TENM4: variants seen among roughly 807,000 people sequenced by gnomAD.
TENM4 encodes teneurin transmembrane protein 4.
In TENM4, 82 loss-of-function variants were observed where a neutral mutation model predicts 243.3. The observed-to-expected ratio is 0.34, with a 90% CI of 0.28 to 0.40. The LOEUF (loss-of-function observed/expected upper bound fraction) is 0.40, where lower values mean the gene tolerates loss of function less well. TENM4 is among the 10% of genes least tolerant of loss of function. TENM4 has a pLI of 1.00. For missense variants in TENM4, 3,138 were observed against 3,673.3 expected (o/e 0.85, Z 3.77); for synonymous variants, 1,412 against 1,456.3 (o/e 0.97, Z 0.69).
chr11:79,087,982 C>G (rs943310530), intron 4 of TENM4, among the ~76,000 whole-genome samples: 18 of 152,212 alleles, frequency 1.2e-4, no homozygotes, highest in African/African-American at 4.3e-4. Flanking sequence ...TGGGGAAGCT[C>G]TGGCCCTTGG....
chr11:79,340,190 G>T (rs573976352), intron 1 of TENM4, among the ~76,000 whole-genome samples: 1 of 152,142 alleles, frequency 6.6e-6, no homozygotes, highest in Non-Finnish European at 1.5e-5. Context: ...ATGTCACTTT[G>T]CTGGTCTACC....
Position 78,732,516 on chromosome 11 carries a change from T to A in TENM4, c.2938A>T (p.Ile980Phe). Residue 980 changes from isoleucine to phenylalanine, a missense_variant, in exon 21 of 34, where the codon ATC (isoleucine) becomes TTC (phenylalanine). Physicochemically the swap from Ile to Phe is conservative, Grantham distance 21. Transcript: ENST00000278550. Reference protein sequence around the residue: ...IILRFERAPFITQEHTLWLPW... With the variant: ...IILRFERAPFFTQEHTLWLPW... ...AGCCACAGGGTGTGCTCCTGTGTGATGAAAGGTGCCCGCTCGAACCGCAGG... is the reference window on the plus strand; with the variant it reads ...AGCCACAGGGTGTGCTCCTGTGTGAAGAAAGGTGCCCGCTCGAACCGCAGG... 1.9e-6 allele frequency: 3 copies of A among 1,613,402 alleles called. No homozygotes were observed. Among genetic ancestry groups the A allele is most frequent in the Non-Finnish European group, 2.5e-6 (3 of 1,179,678 alleles).
chr11:79,187,043 C>T (rs991897670), intron 3 of TENM4, among the ~76,000 whole-genome samples: 3 of 152,270 alleles, frequency 2.0e-5, no homozygotes, highest in African/African-American at 7.2e-5. Flanking sequence ...TCCTCCTTAG[C>T]CCCATTGCCC....
intron 1 of TENM4, among the ~76,000 whole-genome samples, chr11:79,431,260 A>T (rs1859162965): frequency 6.6e-6 from 1 of 152,200 alleles, no homozygotes; most frequent in Non-Finnish European, 1.5e-5. Flanking sequence ...AATTTTTATC[A>T]TGGCATTTTC....
chr11:78,742,230 T>C (rs1292844049), intron 19 of TENM4, among the ~76,000 whole-genome samples: 1 of 152,138 alleles, frequency 6.6e-6, no homozygotes, highest in African/African-American at 2.4e-5. Context: ...CTCAGAGTGT[T>C]TGTTAAGTGA....
At chr11:79,184,463 G>A (rs994236106) in intron 3 of TENM4, among the ~76,000 whole-genome samples, 2 of 151,088 alleles carry the variant, frequency 1.3e-5, no homozygotes, top group Non-Finnish European at 2.9e-5. Flanking sequence ...TATTGCTCTC[G>A]CTGGGCCTGC....
At chr11:79,350,341 C>A (rs1400808846) in intron 1 of TENM4, among the ~76,000 whole-genome samples, 1 of 152,168 alleles carries the variant, frequency 6.6e-6, no homozygotes, top group African/African-American at 2.4e-5. Context: ...CAAATTCCAG[C>A]AACCTCTACT....
intron 2 of TENM4, among the ~76,000 whole-genome samples, chr11:79,257,449 C>A (rs1380542950): frequency 6.6e-6 from 1 of 152,130 alleles, no homozygotes; most frequent in Non-Finnish European, 1.5e-5. Flanking sequence ...GTGCAAATGT[C>A]CTCAGCTAGA....
Position 79,189,131 on chromosome 11 carries a change from G to T in TENM4, c.-163+26677C>A, listed in dbSNP as rs1863431628. ...TTGTATGAATGTAAACACAGATATG[G>T]TATGGCACAGAATGCAAAATTTCAT... On this transcript the variant is annotated intron_variant, in intron 3 of 33. Transcript: ENST00000278550. Among the ~76,000 whole-genome samples the T allele has an allele frequency of 2.0e-5, 3 of 152,174 alleles. No homozygotes were observed. The South Asian group carries it at 6.2e-4, about 32-fold the overall frequency.
chr11:78,883,016 G>T (rs1218740170), intron 9 of TENM4, among the ~76,000 whole-genome samples: 2 of 152,180 alleles, frequency 1.3e-5, no homozygotes, highest in Non-Finnish European at 2.9e-5. Context: ...CCACATCTGA[G>T]ACTCCACCCT....
intron 6 of TENM4, among the ~76,000 whole-genome samples, chr11:78,976,572 A>C (rs956745261): frequency 1.3e-5 from 2 of 152,210 alleles, no homozygotes; most frequent in Admixed American, 6.5e-5. Context: ...GATTTCTATA[A>C]AGATTTGTGA....
intron 4 of TENM4, among the ~76,000 whole-genome samples, chr11:79,147,444 C>T (rs560499755): frequency 6.6e-6 from 1 of 152,116 alleles, no homozygotes; most frequent in South Asian, 2.1e-4. Flanking sequence ...CCATAGCAAC[C>T]CATCATCCTT....
intron 6 of TENM4, among the ~76,000 whole-genome samples, chr11:78,990,034 A>G (rs1214429303): frequency 6.6e-6 from 1 of 151,360 alleles, no homozygotes; most frequent in African/African-American, 2.5e-5. Context: ...ACCATACTCC[A>G]GCCTGGGTGA....
At chr11:78,769,766 C>T (rs79514428) in intron 18 of TENM4, among the ~76,000 whole-genome samples, 3,062 of 152,342 alleles carry the variant, frequency 0.02, 94 homozygotes, top group African/African-American at 0.07. Flanking sequence ...CCAATTACCT[C>T]CTGGATTTAG....
chr11:79,036,081 C>T lies in TENM4; in HGVS notation c.493+28657G>A, dbSNP rs552111862. 5.9e-5 allele frequency among the ~76,000 whole-genome samples: 9 copies of T among 152,278 alleles called. 1 individual carries two copies. The highest frequency in any genetic ancestry group is 4.2e-4 in the South Asian group (2 of 4,816). On this transcript the variant is annotated intron_variant, in intron 6 of 33. Transcript: ENST00000278550. ...TAACTTTCTTCAAAGTCTAGGGCATCGCTGCTCGACTTCAGGATGTATGAG... is the reference window on the plus strand; with the variant it reads ...TAACTTTCTTCAAAGTCTAGGGCATTGCTGCTCGACTTCAGGATGTATGAG...
At chr11:78,997,382 ACT>A (rs1858202312) in intron 6 of TENM4, among the ~76,000 whole-genome samples, 2 of 152,200 alleles carry the variant, frequency 1.3e-5, no homozygotes, top group South Asian at 2.1e-4. Context: ...AGGGTTTATG[ACT>A]CTGAATCTTA....
chr11:79,283,069 G>A (rs1856184883), intron 2 of TENM4, among the ~76,000 whole-genome samples: 1 of 152,010 alleles, frequency 6.6e-6, no homozygotes, highest in Non-Finnish European at 1.5e-5. Flanking sequence ...ACCTTTTAAA[G>A]TTTTCCAAAA....
intron 2 of TENM4, among the ~76,000 whole-genome samples, chr11:79,290,241 T>C (rs75086067): frequency 0.018 from 2,776 of 152,366 alleles, 44 homozygotes; most frequent in Non-Finnish European, 0.028. Context: ...AAAATCATTT[T>C]AGATCAAAGG....
At position 79,438,684 on chromosome 11, in the gene TENM4, C is replaced by T. The variant is rs1321600797; in HGVS notation, c.-321+1825G>A. 6.6e-6 allele frequency among the ~76,000 whole-genome samples: 1 copy of T among 152,176 alleles called. No individual in the cohort carries two copies. Among genetic ancestry groups the T allele is most frequent in the African/African-American group, 2.4e-5 (1 of 41,448 alleles). On this transcript the variant is annotated intron_variant, in intron 1 of 33. Coordinates refer to ENST00000278550, the MANE Select transcript of TENM4 (RefSeq NM_001098816.3). This position sits in a 1 kb window ranked among gnomAD's most constrained non-coding sequence, Gnocchi z 4.1. ...GCGGAAAAGAGGGGCTTTGGGGCTC[C>T]CCAGGACACCAAGTCAGTTTCTGAA...
Sources: allele counts gnomAD v4.1 joint callset (sites outside exome capture counted in the v4.1 genomes callset), GRCh38; gene constraint gnomAD v4.1.1; non-coding constraint Gnocchi (gnomAD v3.1); transcripts MANE v1.5; gene names NCBI Gene and HGNC (gene_info 2026-07-23, HGNC 2026-07-21).